The following PGM1 variants were observed in gnomAD, a reference collection of about 807,000 sequenced individuals.
The protein encoded by PGM1 is phosphoglucomutase 1, also known as phosphoglucomutase-1.
A neutral mutation model predicts 55.6 loss-of-function variants in PGM1; 52 were observed. The ratio of observed to expected loss-of-function variants is 0.94; its 90% confidence interval spans 0.75 to 1.18. The LOEUF is 1.18. Among genes scored for constraint, PGM1 ranks in the 50% most tolerant of loss-of-function variants. The probability of loss-of-function intolerance (pLI) is 0.00; values close to 1 mark genes in which losing one functional copy is unlikely to be tolerated. For missense variants in PGM1, 724 were observed against 729.3 expected (o/e 0.99, Z 0.08); for synonymous variants, 287 against 271.7 (o/e 1.06, Z -0.55).
chr1:63,648,480 G>T, intron 7 of PGM1, 37 bp from the exon 8 acceptor site: 2 of 1,613,550 alleles, frequency 1.2e-6, no homozygotes, highest in Non-Finnish European at 8.5e-7. Context: ...CTGGGAGAAA[G>T]CACGTTTCTT....
chr1:63,605,668 T>C (rs1342653057), intron 1 of PGM1, among the ~76,000 whole-genome samples: 10 of 152,080 alleles, frequency 6.6e-5, no homozygotes, highest in Admixed American at 6.5e-4. Flanking sequence ...CCTCGAATTC[T>C]CAGGCTCAAG....
intron 10 of PGM1, chr1:63,655,632 C>G (rs4382759): frequency 0.053 from 8,075 of 152,302 alleles, 246 homozygotes; most frequent in Middle Eastern, 0.088. Flanking sequence ...GTGTTTTTCA[C>G]AATCCTTATC....
intron 1 of PGM1, among the ~76,000 whole-genome samples, chr1:63,602,431 A>G (rs1246955371): frequency 1.3e-5 from 2 of 152,236 alleles, no homozygotes. Context: ...CATGTATACC[A>G]TATGGCTTAT....
intron 1 of PGM1, among the ~76,000 whole-genome samples, chr1:63,625,601 A>G (rs12092090): frequency 0.012 from 1,875 of 152,308 alleles, 29 homozygotes; most frequent in African/African-American, 0.042. Flanking sequence ...GATAATTATT[A>G]CCACAGATTT....
chr1:63,652,025 CG>C (rs1306303452), intron 9 of PGM1, among the ~76,000 whole-genome samples, 173 bp downstream of exon 9: 6 of 152,172 alleles, frequency 3.9e-5, no homozygotes, highest in African/African-American at 1.4e-4. Context: ...CACATGCACT[CG>C]TTGGGACAGT....
At chr1:63,610,602 TACAG>T (rs1648539135) in intron 1 of PGM1, among the ~76,000 whole-genome samples, 1 of 152,210 alleles carries the variant, frequency 6.6e-6, no homozygotes, top group African/African-American at 2.4e-5. Flanking sequence ...TGATGGGAAA[TACAG>T]ACACTTTAAA....
intron 1 of PGM1, among the ~76,000 whole-genome samples, chr1:63,615,547 C>CTTTTTTTTTT (rs796858830): frequency 1.0e-5 from 1 of 96,096 alleles, no homozygotes; most frequent in African/African-American, 4.6e-5. Flanking sequence ...TCTTCTTCTT[C>CTTTTTTTTTT]TTCTTTTTTT....
At chr1:63,654,889 C>T (rs1649918096) in intron 10 of PGM1, among the ~76,000 whole-genome samples, 1 of 151,578 alleles carries the variant, frequency 6.6e-6, no homozygotes, top group Non-Finnish European at 1.5e-5. Flanking sequence ...CTCCCTGCTA[C>T]AGATAAGGAA....
chr1:63,593,567 A>G lies in PGM1; in HGVS notation c.79A>G (p.Lys27Glu), dbSNP rs749912439. 6.2e-7 allele frequency: 1 copy of G among 1,613,872 alleles called. No homozygotes were observed. The highest frequency in any genetic ancestry group is 2.2e-5 in the East Asian group (1 of 44,860). The change falls in exon 1 of 11, where the codon AAG (lysine) becomes GAG (glutamate). Residue 27 changes from lysine to glutamate, a missense_variant. Lys to Glu is a moderately conservative substitution (Grantham distance 56, BLOSUM62 1). This residue lies in a region of PGM1 where 379 missense variants were observed against 357.5 expected (regional missense o/e 1.06). Coordinates refer to ENST00000371084, the MANE Select transcript of PGM1 (RefSeq NM_002633.3). ...PGTSGLRKRV[K>E]VFQSSANYAE... ...CACGAGCGGGCTGCGGAAGCGGGTG[A>G]AGGTGTTCCAGAGCAGCGCCAACTA... is the stretch of plus-strand genomic sequence containing the variant.
rs556663721 is a variant in PGM1 at position 63,643,438 on chromosome 1, G to T, written c.1144+4638G>T. ...GCACTTAAACTACCTTCTTCCAAAG[G>T]CACCTTATGGAAAGGAAACCAAGTT... On this transcript the variant is annotated intron_variant, in intron 7 of 10. Coordinates refer to ENST00000371084, the MANE Select transcript of PGM1 (RefSeq NM_002633.3). Among the ~76,000 whole-genome samples the T allele has an allele frequency of 5.3e-5, 8 of 152,300 alleles. No homozygotes were observed. The South Asian group carries it at 1.7e-3, about 32-fold the overall frequency.
chr1:63,593,583 G>T lies in PGM1; in HGVS notation c.95G>T (p.Ser32Ile), dbSNP rs1647930634. ...LRKRVKVFQS[S>I]ANYAENFIQS... ...AAGCGGGTGAAGGTGTTCCAGAGCA[G>T]CGCCAACTACGCGGAGAACTTCATC... The change falls in exon 1 of 11, where the codon AGC (serine) becomes ATC (isoleucine). Residue 32 changes from serine to isoleucine, a missense_variant. By Grantham distance (142) the Ser-to-Ile change is moderately radical. Coordinates refer to ENST00000371084, the MANE Select transcript of PGM1 (RefSeq NM_002633.3). 1 of 1,613,798 alleles carries T rather than the reference G, an allele frequency of 6.2e-7. No individual in the cohort carries two copies. The highest frequency in any genetic ancestry group is 2.2e-5 in the East Asian group (1 of 44,868).
At chr1:63,646,491 C>CATCA (rs1163153462) in intron 7 of PGM1, among the ~76,000 whole-genome samples, 1 of 152,072 alleles carries the variant, frequency 6.6e-6, no homozygotes, top group Non-Finnish European at 1.5e-5. Context: ...CTTTAAGAGA[C>CATCA]ATCATTAAGG....
At chr1:63,655,406 G>A (rs1287494180) in intron 10 of PGM1, among the ~76,000 whole-genome samples, 2 of 152,160 alleles carry the variant, frequency 1.3e-5, no homozygotes, top group Non-Finnish European at 2.9e-5. Context: ...ATTTGGTGGG[G>A]GCAGGGAGAG....
chr1:63,632,270 C>T lies in PGM1; in HGVS notation c.682+488C>T, dbSNP rs183658216. Reference sequence around the variant, plus strand: ...TGTGTACAGCCCTCTCTTCTTCCTCCGTGGGTTGTGTGGTCAGGTCCATAG... The same window carrying T: ...TGTGTACAGCCCTCTCTTCTTCCTCTGTGGGTTGTGTGGTCAGGTCCATAG... On this transcript the variant is annotated intron_variant, in intron 4 of 10. Coordinates refer to ENST00000371084, the MANE Select transcript of PGM1 (RefSeq NM_002633.3). Among the ~76,000 whole-genome samples the T allele has an allele frequency of 1.2e-3, 190 of 152,224 alleles. 1 individual carries two copies. Among genetic ancestry groups the T allele is most frequent in the African/African-American group, 4.4e-3 (181 of 41,530 alleles).
chr1:63,629,443 G>A lies in PGM1; in HGVS notation c.265G>A (p.Gly89Arg), dbSNP rs377500536. Reference protein sequence around the residue: ...AANGIGRLVIGQNGILSTPAV... With the variant: ...AANGIGRLVIRQNGILSTPAV... ...CTCCTAGATCGGTCGCTTGGTTATC[G>A]GACAGAATGGAATCCTCTCCACCCC... is the stretch of plus-strand genomic sequence containing the variant. Residue 89 changes from glycine (G) to arginine (R), a missense_variant, in exon 2 of 11, where the codon GGA becomes AGA. Around this residue, in one of 3 missense-constraint regions of PGM1, gnomAD observed 379 missense variants for 357.5 expected, o/e 1.06. Coordinates refer to ENST00000371084, the MANE Select transcript of PGM1 (RefSeq NM_002633.3). 46 of 1,613,198 alleles carry A rather than the reference G, an allele frequency of 2.9e-5. No homozygotes were observed. Among genetic ancestry groups the A allele is most frequent in the South Asian group, 1.1e-4 (10 of 91,072 alleles).
intron 10 of PGM1, among the ~76,000 whole-genome samples, chr1:63,655,307 C>T (rs1417062731): frequency 6.6e-6 from 1 of 152,180 alleles, no homozygotes; most frequent in Non-Finnish European, 1.5e-5. Context: ...AAATCAGCCC[C>T]TCATCTGGTG....
chr1:63,632,121 G>A (rs1264699015), intron 4 of PGM1, among the ~76,000 whole-genome samples: 3 of 151,874 alleles, frequency 2.0e-5, no homozygotes, highest in African/African-American at 2.4e-5. Flanking sequence ...CTGAGAGGAC[G>A]GTCATTTGGG....
intron 1 of PGM1, among the ~76,000 whole-genome samples, chr1:63,619,368 GA>G (rs1648825864): frequency 6.6e-6 from 1 of 152,094 alleles, no homozygotes; most frequent in African/African-American, 2.4e-5. Flanking sequence ...AGTAGGAGAG[GA>G]AAAAAACAAA....
At chr1:63,604,914 A>ACT (rs1648368765) in intron 1 of PGM1, among the ~76,000 whole-genome samples, 1 of 63,952 alleles carries the variant, frequency 1.6e-5, no homozygotes, top group Non-Finnish European at 3.3e-5. Context: ...GAGTTACATA[A>ACT]CTCTGTGTGT....
Sources: allele counts gnomAD v4.1 joint callset (sites outside exome capture counted in the v4.1 genomes callset), GRCh38; gene constraint gnomAD v4.1.1; regional missense constraint gnomAD v4.1.1; transcripts MANE v1.5; gene names NCBI Gene and HGNC (gene_info 2026-07-23, HGNC 2026-07-21).